The following TSPAN16 variants were observed in gnomAD, a reference collection of about 807,000 sequenced individuals.
TSPAN16 encodes the protein tetraspanin 16.
TSPAN16 carries 23 observed loss-of-function variants against 25.2 expected under a neutral mutation model. The ratio of observed to expected loss-of-function variants is 0.91; its 90% confidence interval spans 0.66 to 1.29. The LOEUF is 1.29. TSPAN16 is among the 50% of genes most tolerant of loss of function. The pLI, the probability that TSPAN16 is intolerant of heterozygous loss-of-function variation, is 0.00. For synonymous variants in TSPAN16, 123 were observed against 124.4 expected, an observed-to-expected ratio of 0.99 and a Z score of 0.08; for missense variants, 272 against 299.9, an observed-to-expected ratio of 0.91 and a Z score of 0.69.
At chr19:11,326,654 G>C (rs1230018325) in intron 6 of TSPAN16, 1 of 553,456 alleles carries the variant, frequency 1.8e-6, no homozygotes, top group African/African-American at 2.0e-5. Flanking sequence ...CCCAGGCCGG[G>C]GTGTAGTGGT....
chr19:11,312,011 C>T, intron 5 of TSPAN16, 128 bp from the exon 6 acceptor site: 2 of 667,552 alleles, frequency 3.0e-6, no homozygotes, highest in Non-Finnish European at 5.2e-6. Context: ...GCCCTCACGG[C>T]TCTCTCCCCG....
Position 11,297,203 on chromosome 19 carries a change from C to T in TSPAN16, c.69+837C>T, listed in dbSNP as rs185269063. Among the ~76,000 whole-genome samples the T allele has an allele frequency of 1.9e-3, 294 of 152,246 alleles. 2 individuals are homozygous for T. The highest frequency in any genetic ancestry group is 6.9e-3 in the African/African-American group (287 of 41,540). Reference sequence around the variant, plus strand: ...TAAGGCCGGCTGTGGTGACTCATGCCTGTAATCCCAGCACTTTGGGAGGCC... The same window carrying T: ...TAAGGCCGGCTGTGGTGACTCATGCTTGTAATCCCAGCACTTTGGGAGGCC... On this transcript the variant is annotated intron_variant, in intron 1 of 6. Transcript: ENST00000590327.
At chr19:11,314,996 G>A (rs2080730932) in intron 6 of TSPAN16, among the ~76,000 whole-genome samples, 2 of 152,046 alleles carry the variant, frequency 1.3e-5, no homozygotes, top group South Asian at 4.2e-4. Flanking sequence ...AGCACTTTGG[G>A]AGGCCGAGGC....
chr19:11,308,460 A>G lies in TSPAN16; in HGVS notation c.603+1704A>G, dbSNP rs375580920. Reference sequence around the variant, plus strand: ...ATTACAGGCGTGTGCTACCACGCCCAGCTAATTTTTGCATTTTTTTTTTTT... The same window carrying G: ...ATTACAGGCGTGTGCTACCACGCCCGGCTAATTTTTGCATTTTTTTTTTTT... On this transcript the variant is annotated intron_variant, in intron 5 of 6. Transcript: ENST00000590327. 4.0e-5 allele frequency among the ~76,000 whole-genome samples: 6 copies of G among 148,212 alleles called. 1 individual carries two copies. The highest frequency in any genetic ancestry group is 1.5e-4 in the African/African-American group (6 of 40,280).
intron 6 of TSPAN16, chr19:11,325,624 T>G (rs1568299016): frequency 7.2e-7 from 1 of 1,380,554 alleles, no homozygotes; most frequent in Admixed American, 2.3e-5. Context: ...GTAAGACCCC[T>G]GAGGGCAGAG....
intron 4 of TSPAN16, among the ~76,000 whole-genome samples, chr19:11,304,611 G>A (rs908587533): frequency 1.3e-5 from 2 of 151,420 alleles, no homozygotes; most frequent in Admixed American, 6.6e-5. Flanking sequence ...TGCAAGTTCC[G>A]CCTCCCAGGT....
At chr19:11,305,125 A>G (rs2147944116) in intron 4 of TSPAN16, among the ~76,000 whole-genome samples, 1 of 152,154 alleles carries the variant, frequency 6.6e-6, no homozygotes, top group South Asian at 2.1e-4. Context: ...CAAGCTTGTG[A>G]TGGTACAGAA....
chr19:11,318,543 G>T (rs1172473983), downstream of TSPAN16, among the ~76,000 whole-genome samples: 2 of 152,156 alleles, frequency 1.3e-5, no homozygotes, highest in East Asian at 1.9e-4. Flanking sequence ...TATAGTCATG[G>T]TCACAGCTGA....
At chr19:11,302,566 T>A (rs2080565349) in intron 4 of TSPAN16, among the ~76,000 whole-genome samples, 1 of 145,040 alleles carries the variant, frequency 6.9e-6, no homozygotes, top group Admixed American at 7.0e-5. Context: ...TTTGCTAGAT[T>A]CTATGGCAAT....
chr19:11,305,497 T>A (rs2080616013), intron 4 of TSPAN16, among the ~76,000 whole-genome samples: 1 of 151,190 alleles, frequency 6.6e-6, no homozygotes, highest in South Asian at 2.1e-4. Context: ...GCCATTGCAC[T>A]CCAACCTGGG....
chr19:11,326,421 T>C (rs1394714857), intron 6 of TSPAN16, among the ~76,000 whole-genome samples: 1 of 152,052 alleles, frequency 6.6e-6, no homozygotes, highest in African/African-American at 2.4e-5. Flanking sequence ...GCAGCCATGG[T>C]CTGGACAATC....
intron 4 of TSPAN16, among the ~76,000 whole-genome samples, chr19:11,302,031 T>A (rs1428553847): frequency 2.0e-5 from 3 of 151,846 alleles, no homozygotes; most frequent in African/African-American, 7.3e-5. Context: ...ACCATATGGG[T>A]CAGGCTGGTC....
At chr19:11,302,885 ATTT>A (rs768528967) in intron 4 of TSPAN16, among the ~76,000 whole-genome samples, 2 of 135,074 alleles carry the variant, frequency 1.5e-5, no homozygotes, top group Non-Finnish European at 1.6e-5. Flanking sequence ...TGCCTGGCTA[ATTT>A]TTTTTTTTTT....
At chr19:11,322,781 G>A (rs1312124581) in intron 6 of TSPAN16, 1 of 152,186 alleles carries the variant, frequency 6.6e-6, no homozygotes, top group Admixed American at 6.5e-5. Context: ...AGAAAGCTTA[G>A]GCCAGGTCAG....
rs1006392307 is a variant in TSPAN16, at chr19:11,306,427, C to G, written c.451-177C>G. 26 of 734,798 alleles carry G rather than the reference C, an allele frequency of 3.5e-5. No homozygotes were observed. In the African/African-American group the frequency reaches 4.7e-4, roughly 13 times the overall value. 45.5% of individuals were successfully genotyped at this position (734,798 alleles called of 1,614,324 possible). A position where few individuals can be genotyped will look rare whatever the true frequency, so the allele number is the denominator to read the frequency against. On this transcript the variant is annotated intron_variant, in intron 4 of 6. Transcript: ENST00000590327. ...CCAGGCTAGGAGTTCAGCTTTTACCCTGAGTGAGATGGGAGCCAGGGAGGG... is the reference window on the plus strand; with the variant it reads ...CCAGGCTAGGAGTTCAGCTTTTACCGTGAGTGAGATGGGAGCCAGGGAGGG...
chr19:11,320,904 T>C (rs12976477), downstream of TSPAN16, among the ~76,000 whole-genome samples: 832 of 151,880 alleles, frequency 5.5e-3, 5 homozygotes, highest in Admixed American at 0.011. Context: ...TGTACGGTGG[T>C]TCACGCCTGT....
In TSPAN16 at chr19:11,302,774, G is replaced by A. The variant is rs186695172; in HGVS notation, c.450+1466G>A. 2.0e-3 allele frequency among the ~76,000 whole-genome samples: 303 copies of A among 150,342 alleles called. 1 individual carries two copies. The highest frequency in any genetic ancestry group is 7.0e-3 in the African/African-American group (287 of 40,852). On this transcript the variant is annotated intron_variant, in intron 4 of 6. Coordinates refer to ENST00000590327, the MANE Select transcript of TSPAN16 (RefSeq NM_001282509.2). ...CACTCTGTTGCCCAGGCTGGAGTGC[G>A]GTAAGGGGATCATGGCTCACTGCAA...
chr19:11,326,723 C>G (rs1449485339), intron 6 of TSPAN16: 2 of 685,446 alleles, frequency 2.9e-6, no homozygotes, highest in African/African-American at 3.5e-5. Context: ...CCCGCCTTGG[C>G]CCCCTGAGTA....
chr19:11,316,356 G>A (rs576708701), downstream of TSPAN16, among the ~76,000 whole-genome samples: 10 of 152,134 alleles, frequency 6.6e-5, no homozygotes, highest in South Asian at 1.9e-3. Flanking sequence ...CTGAGTTCAG[G>A]TGATCCACCT....
Sources: allele counts gnomAD v4.1 joint callset (sites outside exome capture counted in the v4.1 genomes callset), GRCh38; gene constraint gnomAD v4.1.1; transcripts MANE v1.5; gene names NCBI Gene and HGNC (gene_info 2026-07-23, HGNC 2026-07-21).